Variants in SLC9A3 observed in about 807,000 individuals in gnomAD.
SLC9A3 encodes the protein solute carrier family 9 member A3, also known as sodium/hydrogen exchanger 3.
In SLC9A3, 37 loss-of-function variants were observed where a neutral mutation model predicts 86.8. The observed-to-expected ratio is 0.43, with a 90% CI of 0.33 to 0.56. The LOEUF (loss-of-function observed/expected upper bound fraction) is 0.56. SLC9A3 is among the 20% of genes least tolerant of loss of function. SLC9A3 has a pLI of 0.06. For missense variants in SLC9A3, 1,011 were observed against 1,171.9 expected (o/e 0.86, Z 2.00); for synonymous variants, 581 against 528.3 (o/e 1.10, Z -1.37).
At position 476,087 on chromosome 5, in the gene SLC9A3, G is replaced by T; in HGVS notation, c.2073C>A (p.Asn691Lys). Residue 691 changes from asparagine (N) to lysine (K), a missense_variant, in exon 14 of 17, where the codon AAC (asparagine) becomes AAA (lysine). By Grantham distance (94) the Asn-to-Lys change is moderately conservative. Coordinates refer to ENST00000264938, the MANE Select transcript of SLC9A3 (RefSeq NM_004174.4). ...YKRERAQKRR[N>K]SSIPNGKLPM... ...GCAGCTTCCCATTGGGGATGCTGCTGTTTCTCTGCGGAGCAAACGTGAAGC... is the reference window on the plus strand; with the variant it reads ...GCAGCTTCCCATTGGGGATGCTGCTTTTTCTCTGCGGAGCAAACGTGAAGC... 1 of 1,613,424 alleles carries T rather than the reference G, an allele frequency of 6.2e-7. No individual in the cohort carries two copies. Among genetic ancestry groups the T allele is most frequent in the Non-Finnish European group, 8.5e-7 (1 of 1,179,858 alleles).
intron 1 of SLC9A3, among the ~76,000 whole-genome samples, chr5:523,646 G>C (rs1420497953): frequency 1.3e-5 from 2 of 151,600 alleles, no homozygotes; most frequent in Non-Finnish European, 2.9e-5. Context: ...TGGGAACGCT[G>C]CGCCTGTAGG....
chr5:512,391 G>A (rs61619493), intron 1 of SLC9A3, among the ~76,000 whole-genome samples: 1 of 150,674 alleles, frequency 6.6e-6, no homozygotes, highest in Non-Finnish European at 1.5e-5. Context: ...GAGCCCTAAC[G>A]TAAACCGTGG....
chr5:503,343 C>G (rs1023982942), intron 1 of SLC9A3, among the ~76,000 whole-genome samples: 15 of 152,196 alleles, frequency 9.9e-5, no homozygotes, highest in African/African-American at 3.6e-4. Flanking sequence ...CAAGACCAGC[C>G]TGGGCAACAC....
At chr5:475,506 T>TGGG in intron 15 of SLC9A3, 55 bp downstream of exon 15, 1 of 1,053,662 alleles carries the variant, frequency 9.5e-7, no homozygotes, top group Non-Finnish European at 1.4e-6. Context: ...AGCTCCCTCC[T>TGGG]GGGGCGGCAG....
intron 1 of SLC9A3, among the ~76,000 whole-genome samples, chr5:493,521 G>A (rs60797644): frequency 1.3e-3 from 201 of 152,366 alleles, no homozygotes; most frequent in African/African-American, 4.7e-3. Flanking sequence ...AGAGGAGGGA[G>A]GTGCTGTTCT....
At chr5:489,621 A>AAGTGAC (rs377271870) in intron 2 of SLC9A3, among the ~76,000 whole-genome samples, 1 of 152,340 alleles carries the variant, frequency 6.6e-6, no homozygotes, top group African/African-American at 2.4e-5. Context: ...CAGATGCCAG[A>AAGTGAC]AGAACCAGCG....
intron 1 of SLC9A3, among the ~76,000 whole-genome samples, chr5:518,812 G>A (rs1055869985): frequency 3.3e-5 from 5 of 152,130 alleles, no homozygotes; most frequent in Admixed American, 6.5e-5. Context: ...GCCCAGAGGC[G>A]GGGAGCTCCT....
Position 473,186 on chromosome 5 carries a change from G to A in SLC9A3, c.*193C>T, listed in dbSNP as rs1349213269. ...CAGGCCCCGCCCCCGGCTCGCCCTC[G>A]GGCGGCTCTGCGGGCGCAGGCGCGG... On this transcript the variant is annotated 3_prime_UTR_variant, in exon 17 of 17. Coordinates refer to ENST00000264938, the MANE Select transcript of SLC9A3 (RefSeq NM_004174.4). The A allele has an allele frequency of 2.3e-6, 1 of 426,276 alleles. No homozygotes were observed. Among genetic ancestry groups the A allele is most frequent in the Non-Finnish European group, 3.4e-6 (1 of 298,050 alleles). 26.4% of individuals were successfully genotyped at this position (426,276 alleles called of 1,614,324 possible).
rs1462408627 is a variant in SLC9A3 at position 475,027 on chromosome 5, C to G, written c.2357G>C (p.Arg786Thr). The G allele has an allele frequency of 2.5e-6, 4 of 1,612,274 alleles. No homozygotes were observed. The highest frequency in any genetic ancestry group is 1.3e-5 in the African/African-American group (1 of 74,888). ...AGAGTAGGGAATCTGCGTGCGGGCCCTCTGCGAGGGGACCACCGTCTCCCC... is the reference window on the plus strand; with the variant it reads ...AGAGTAGGGAATCTGCGTGCGGGCCGTCTGCGAGGGGACCACCGTCTCCCC... ...SPGETVVPSQ[R>T]ARTQIPYSPG... The change falls in exon 16 of 17, where the codon AGG becomes ACG. Residue 786 changes from arginine to threonine, a missense_variant. Arg to Thr is a moderately conservative substitution (Grantham distance 71). Transcript: ENST00000264938.
intron 4 of SLC9A3, among the ~76,000 whole-genome samples, 181 bp downstream of exon 4, chr5:484,972 C>T (rs970584925): frequency 6.6e-6 from 1 of 152,256 alleles, no homozygotes; most frequent in Non-Finnish European, 1.5e-5. Flanking sequence ...CACCCAGGAA[C>T]CCCCAGGACC....
At chr5:504,214 G>A (rs1442315015) in intron 1 of SLC9A3, among the ~76,000 whole-genome samples, 2 of 143,370 alleles carry the variant, frequency 1.4e-5, no homozygotes, top group Admixed American at 7.1e-5. Context: ...GGAAGGCATC[G>A]CTGTGGGGCT....
chr5:477,132 C>T (rs1413680856), intron 11 of SLC9A3, 200 bp downstream of exon 11: 3 of 540,822 alleles, frequency 5.5e-6, no homozygotes, highest in Non-Finnish European at 9.9e-6. Context: ...CTCCCTTTCA[C>T]CTTCCATCCA....
Position 477,381 on chromosome 5 carries a change from C to T in SLC9A3, c.1711G>A (p.Asp571Asn). The T allele has an allele frequency of 6.2e-7, 1 of 1,613,130 alleles. No individual in the cohort carries two copies. Among genetic ancestry groups the T allele is most frequent in the South Asian group, 1.1e-5 (1 of 91,030 alleles). Residue 571 changes from aspartate (D) to asparagine (N), a missense_variant, in exon 11 of 17, where the codon GAC becomes AAC. By Grantham distance (23) the Asp-to-Asn change is conservative. Around this residue, in one of 3 missense-constraint regions of SLC9A3, gnomAD observed 565 missense variants for 790.0 expected, o/e 0.72. Transcript: ENST00000264938. ...ACGGTGGACGATCGTGGCGTGAAGT[C>T]CACGTTGACCACGTTGTCGGTGCTG... ...SPSTDNVVNV[D>N]FTPRSSTVEA...
At chr5:502,085 AC>A (rs1740304006) in intron 1 of SLC9A3, among the ~76,000 whole-genome samples, 1 of 152,228 alleles carries the variant, frequency 6.6e-6, no homozygotes, top group African/African-American at 2.4e-5. Flanking sequence ...ACTCGAGCAA[AC>A]CTGGTCGGTT....
chr5:476,882 C>T (rs923052217), intron 11 of SLC9A3, among the ~76,000 whole-genome samples: 1 of 152,244 alleles, frequency 6.6e-6, no homozygotes, highest in Non-Finnish European at 1.5e-5. Context: ...CCCACGAGGC[C>T]TTCCTGGCCT....
rs1274113242 is a variant in SLC9A3 at position 472,345 on chromosome 5, C to T, written c.*1034G>A. On this transcript the variant is annotated 3_prime_UTR_variant, in exon 17 of 17. Transcript: ENST00000264938. ...GGAGGGCCTGAGCCTGGTAGGGGGG[C>T]GGTGCCCTGGGCCCCTCCATGCCCC... is the stretch of plus-strand genomic sequence containing the variant. The T allele has an allele frequency of 2.1e-5, 7 of 333,624 alleles. No homozygotes were observed. Among genetic ancestry groups the T allele is most frequent in the South Asian group, 1.2e-4 (5 of 42,980 alleles). 20.7% of individuals were successfully genotyped at this position (333,624 alleles called of 1,614,324 possible).
rs78299027 is a variant in SLC9A3, at chr5:496,468, C to G, written c.212-4397G>C. On this transcript the variant is annotated intron_variant, in intron 1 of 16. Transcript: ENST00000264938. This position sits in a 1 kb window ranked among gnomAD's most constrained non-coding sequence, Gnocchi z 4.7. ...AGTGTCGGCTTGCTCCCCTGCCGGG[C>G]ACTGATCCTTTCCTATTGACACGAG... Among the ~76,000 whole-genome samples the G allele has an allele frequency of 0.11, 16,635 of 152,296 alleles. 1,147 individuals carry two copies. Among genetic ancestry groups the G allele is most frequent in the Admixed American group, 0.17 (2,655 of 15,298 alleles).
chr5:486,288 G>A (rs572616595), intron 3 of SLC9A3, among the ~76,000 whole-genome samples: 37 of 152,300 alleles, frequency 2.4e-4, no homozygotes, highest in African/African-American at 7.2e-4. Flanking sequence ...TGTCGGGGCC[G>A]GGCCCAGGGC....
intron 10 of SLC9A3, chr5:477,752 T>C (rs1738848503): frequency 3.1e-6 from 1 of 320,226 alleles, no homozygotes; most frequent in African/African-American, 2.2e-5. Context: ...TTGGGATGTG[T>C]CTGGGGAAAG....
Sources: gnomAD v4.1 joint callset for allele counts (sites outside exome capture counted in the v4.1 genomes callset) on GRCh38, gnomAD v4.1.1 for gene constraint, gnomAD v4.1.1 regional missense constraint, Gnocchi (gnomAD v3.1) non-coding constraint, MANE v1.5 for transcripts, NCBI Gene and HGNC (gene_info 2026-07-23, HGNC 2026-07-21) for gene names.